PEBP4: variants seen among roughly 807,000 people sequenced by gnomAD.
PEBP4 encodes the protein phosphatidylethanolamine-binding protein 4.
In PEBP4, 22 loss-of-function variants were observed where a neutral mutation model predicts 23.9. The ratio of observed to expected loss-of-function variants is 0.92; its 90% CI spans 0.66 to 1.31. The LOEUF is 1.31. PEBP4 is among the 40% of genes most tolerant of loss of function. The pLI is 0.00. For synonymous variants in PEBP4, 112 were observed against 99.3 expected (o/e 1.13, Z -0.76); for missense variants, 324 against 281.7 (o/e 1.15, Z -1.07).
chr8:22,797,234 C>T (rs1191387400), intron 4 of PEBP4, among the ~76,000 whole-genome samples: 1 of 101,722 alleles, frequency 9.8e-6, no homozygotes, highest in Non-Finnish European at 1.9e-5. Flanking sequence ...GCCTGGGCAA[C>T]AAGAGTGAAA....
At chr8:22,857,145 G>C (rs1807670877) in intron 3 of PEBP4, among the ~76,000 whole-genome samples, 1 of 152,040 alleles carries the variant, frequency 6.6e-6, no homozygotes, top group African/African-American at 2.4e-5. Context: ...TTTAGTGTGG[G>C]AGTAGGGACA....
chr8:22,805,676 G>A (rs540756799), intron 4 of PEBP4, among the ~76,000 whole-genome samples: 2 of 152,322 alleles, frequency 1.3e-5, no homozygotes, highest in South Asian at 4.1e-4. Flanking sequence ...CCACTCTGGT[G>A]CCAGATGTTG....
At chr8:22,806,197 T>C (rs1192377699) in intron 4 of PEBP4, among the ~76,000 whole-genome samples, 2 of 152,222 alleles carry the variant, frequency 1.3e-5, no homozygotes, top group African/African-American at 4.8e-5. Flanking sequence ...ACCTATTAAA[T>C]TTAAATTTCT....
chr8:22,788,634 A>T (rs1005202280), intron 4 of PEBP4, among the ~76,000 whole-genome samples: 2 of 152,164 alleles, frequency 1.3e-5, no homozygotes, highest in African/African-American at 2.4e-5. Context: ...TCTCTTTTCA[A>T]CTCTAAAATA....
chr8:22,871,458 T>C (rs542603483), intron 3 of PEBP4, among the ~76,000 whole-genome samples: 27 of 152,198 alleles, frequency 1.8e-4, no homozygotes, highest in African/African-American at 6.5e-4. Context: ...CCCATAACAT[T>C]CTTTTTTTTT....
intron 3 of PEBP4, chr8:22,885,510 C>G (rs751433492): frequency 6.6e-6 from 1 of 152,324 alleles, no homozygotes; most frequent in Non-Finnish European, 1.5e-5. Flanking sequence ...ACCAGGCACA[C>G]GACGTAACTG....
At chr8:22,763,196 G>T (rs1260413450) in intron 4 of PEBP4, among the ~76,000 whole-genome samples, 1 of 152,114 alleles carries the variant, frequency 6.6e-6, no homozygotes, top group Non-Finnish European at 1.5e-5. Context: ...GTAGAGACAG[G>T]GTTTTGCCAT....
At chr8:22,937,142 A>T (rs1402319552) in intron 1 of PEBP4, among the ~76,000 whole-genome samples, 1 of 152,238 alleles carries the variant, frequency 6.6e-6, no homozygotes, top group African/African-American at 2.4e-5. Flanking sequence ...ATTAGAAAGG[A>T]AGAAGTACAA....
chr8:22,740,669 C>T (rs933401128), intron 4 of PEBP4, among the ~76,000 whole-genome samples: 19 of 152,168 alleles, frequency 1.2e-4, no homozygotes, highest in Non-Finnish European at 2.4e-4. Context: ...TACCTCCTTT[C>T]CTGTTCCTTC....
At chr8:22,881,183 T>G (rs1300070314) in intron 3 of PEBP4, among the ~76,000 whole-genome samples, 1 of 152,262 alleles carries the variant, frequency 6.6e-6, no homozygotes, top group Non-Finnish European at 1.5e-5. Context: ...AGGGCTCCAG[T>G]GTCCCCAGGG....
intron 4 of PEBP4, among the ~76,000 whole-genome samples, chr8:22,758,801 G>T (rs1805443176): frequency 6.6e-6 from 1 of 152,224 alleles, no homozygotes; most frequent in African/African-American, 2.4e-5. Context: ...CCGCAGTATG[G>T]TGGGGTGGAC....
intron 3 of PEBP4, among the ~76,000 whole-genome samples, chr8:22,891,285 G>C (rs1311801055): frequency 6.6e-6 from 1 of 152,226 alleles, no homozygotes; most frequent in Non-Finnish European, 1.5e-5. Context: ...GGCAAAGCCA[G>C]TATAAGTGGC....
chr8:22,802,384 G>A (rs760551546), intron 4 of PEBP4, among the ~76,000 whole-genome samples: 7 of 151,384 alleles, frequency 4.6e-5, no homozygotes, highest in African/African-American at 7.3e-5. Flanking sequence ...CCCCCAACAC[G>A]TCTCCTGCCA....
At chr8:22,847,801 C>G (rs185189139) in intron 3 of PEBP4, among the ~76,000 whole-genome samples, 34 of 152,190 alleles carry the variant, frequency 2.2e-4, no homozygotes, top group African/African-American at 7.7e-4. Flanking sequence ...CTTGAGCAAC[C>G]CTGCTCAACC....
At chr8:22,857,439 C>T (rs1044484339) in intron 3 of PEBP4, among the ~76,000 whole-genome samples, 1 of 152,192 alleles carries the variant, frequency 6.6e-6, no homozygotes, top group African/African-American at 2.4e-5. Flanking sequence ...TCTTGAAGGA[C>T]CGCCAGGAGT....
At chr8:22,779,712 G>A (rs1457640301) in intron 4 of PEBP4, among the ~76,000 whole-genome samples, 1 of 152,186 alleles carries the variant, frequency 6.6e-6, no homozygotes, top group Non-Finnish European at 1.5e-5. Context: ...TTTAGCACTG[G>A]GAAGGGTGAG....
At chr8:22,912,012 G>A (rs927351784) in intron 3 of PEBP4, among the ~76,000 whole-genome samples, 5 of 152,112 alleles carry the variant, frequency 3.3e-5, no homozygotes, top group African/African-American at 4.8e-5. Flanking sequence ...AAGATCTATC[G>A]GACTGGGGGT....
At chr8:22,713,829 C>T (rs982526952) in intron 6 of PEBP4, among the ~76,000 whole-genome samples, 1 of 150,376 alleles carries the variant, frequency 6.6e-6, no homozygotes, top group African/African-American at 2.5e-5. Context: ...CTCTGTTTAG[C>T]AAAACTGCCT....
intron 3 of PEBP4, among the ~76,000 whole-genome samples, chr8:22,845,947 T>C (rs1431026923): frequency 6.6e-6 from 1 of 152,258 alleles, no homozygotes; most frequent in Non-Finnish European, 1.5e-5. Flanking sequence ...CTTCTGCTCC[T>C]GTATTCCTGC....
Sources: allele counts gnomAD v4.1 joint callset (sites outside exome capture counted in the v4.1 genomes callset), GRCh38; gene constraint gnomAD v4.1.1; transcripts MANE v1.5; gene names NCBI Gene and HGNC (gene_info 2026-07-23, HGNC 2026-07-21).